The following CFAP221 variants were observed in gnomAD, a reference collection of about 807,000 sequenced individuals.
The protein encoded by CFAP221 is cilia and flagella associated protein 221.
Under a neutral mutation model 113.1 loss-of-function variants are expected in CFAP221, and 97 were observed. That is an observed-to-expected ratio of 0.86 (90% CI 0.73 to 1.02). The LOEUF is 1.02. Among genes scored for constraint, CFAP221 ranks in the 50% least tolerant of loss-of-function variants. The probability of loss-of-function intolerance (pLI) is 0.00; values close to 1 mark genes in which losing one functional copy is unlikely to be tolerated. For synonymous variants in CFAP221, 331 were observed against 354.4 expected, an observed-to-expected ratio of 0.93 and a Z score of 0.74; for missense variants, 1,025 against 1,013.4, an observed-to-expected ratio of 1.01 and a Z score of -0.16.
chr2:119,586,180 C>T (rs1443335723), intron 6 of CFAP221, among the ~76,000 whole-genome samples: 1 of 151,954 alleles, frequency 6.6e-6, no homozygotes, highest in African/African-American at 2.4e-5. Flanking sequence ...GGTGGCTTAA[C>T]GAGAAGGGAG....
intron 14 of CFAP221, among the ~76,000 whole-genome samples, chr2:119,618,881 G>A (rs1685699696): frequency 6.6e-6 from 1 of 152,168 alleles, no homozygotes. Context: ...GTCCACCTGG[G>A]ACACTTGAGC....
At chr2:119,575,950 T>C (rs1277851983) in intron 6 of CFAP221, among the ~76,000 whole-genome samples, 1 of 152,126 alleles carries the variant, frequency 6.6e-6, no homozygotes, top group African/African-American at 2.4e-5. Context: ...GTTTGTTCCC[T>C]AGTGTCTTCA....
chr2:119,648,079 A>G (rs962453259), intron 22 of CFAP221, among the ~76,000 whole-genome samples: 4 of 152,212 alleles, frequency 2.6e-5, no homozygotes, highest in Non-Finnish European at 5.9e-5. Flanking sequence ...ATGGGTGGCT[A>G]TGAAAAGCAA....
intron 7 of CFAP221, chr2:119,589,697 C>A (rs1300283972): frequency 2.6e-5 from 4 of 152,168 alleles, no homozygotes; most frequent in Admixed American, 1.3e-4. Context: ...ATTAATAATT[C>A]TATTTATAAG....
In CFAP221 at chr2:119,633,628, TA is replaced by T. The variant is rs967372211; in HGVS notation, c.1974+2738del. Reference sequence around the variant, plus strand: ...ATAAGAAACTTCTACAAATCAATAGTAAAAAAAAAAACCTAATAACTCAGTT... The same window carrying T: ...ATAAGAAACTTCTACAAATCAATAGTAAAAAAAAAACCTAATAACTCAGTT... On this transcript the variant is annotated intron_variant, in intron 19 of 23. Coordinates refer to ENST00000413369, the MANE Select transcript of CFAP221 (RefSeq NM_001271049.2). Among the ~76,000 whole-genome samples, 66 of 139,796 alleles carry T rather than the reference TA, an allele frequency of 4.7e-4. 1 individual carries two copies. The highest frequency in any genetic ancestry group is 6.2e-4 in the East Asian group (3 of 4,834). The allele number at this position is 139,796 out of a possible 152,430, so 91.7% of individuals were successfully genotyped here.
At chr2:119,596,718 T>C (rs1338939845) in intron 7 of CFAP221, among the ~76,000 whole-genome samples, 1 of 152,270 alleles carries the variant, frequency 6.6e-6, no homozygotes, top group Admixed American at 6.5e-5. Flanking sequence ...AGCGTCTCAG[T>C]ATGCACACCA....
intron 15 of CFAP221, 56 bp from the exon 16 acceptor site, chr2:119,627,597 T>C: frequency 6.5e-7 from 1 of 1,547,434 alleles, no homozygotes; most frequent in African/African-American, 1.4e-5. Flanking sequence ...TATATGGTGA[T>C]TTCCCATAAA....
At chr2:119,631,299 A>G (rs940142976) in intron 19 of CFAP221, among the ~76,000 whole-genome samples, 16 of 152,356 alleles carry the variant, frequency 1.1e-4, no homozygotes, top group African/African-American at 3.6e-4. Flanking sequence ...GTCCTAAGCT[A>G]CCCCTTTAAA....
intron 21 of CFAP221, among the ~76,000 whole-genome samples, chr2:119,643,366 G>C (rs1385849299): frequency 6.6e-6 from 1 of 152,182 alleles, no homozygotes; most frequent in African/African-American, 2.4e-5. Flanking sequence ...TAAATTCAGA[G>C]ATAACTTGTT....
At chr2:119,659,239 A>C (rs942782777), downstream of CFAP221, among the ~76,000 whole-genome samples, 3 of 152,294 alleles carry the variant, frequency 2.0e-5, no homozygotes, top group Admixed American at 2.0e-4. Flanking sequence ...ACTACATTAC[A>C]GTATTGGTGT....
At chr2:119,639,278 C>T (rs1400227179) in intron 20 of CFAP221, among the ~76,000 whole-genome samples, 1 of 152,212 alleles carries the variant, frequency 6.6e-6, no homozygotes, top group Non-Finnish European at 1.5e-5. Context: ...AGCTCATTAG[C>T]TTGGCCCACA....
At chr2:119,658,682 C>T (rs1688528558), downstream of CFAP221, among the ~76,000 whole-genome samples, 1 of 151,716 alleles carries the variant, frequency 6.6e-6, no homozygotes, top group Admixed American at 6.6e-5. Flanking sequence ...GTATATATAT[C>T]AAAAAACATG....
chr2:119,627,003 C>T (rs936974226), intron 15 of CFAP221, among the ~76,000 whole-genome samples: 1 of 151,912 alleles, frequency 6.6e-6, no homozygotes, highest in African/African-American at 2.4e-5. Context: ...GGCCCACTCT[C>T]GGTAGCTTCT....
chr2:119,573,898 A>G (rs1242745488), intron 6 of CFAP221, among the ~76,000 whole-genome samples: 1 of 152,250 alleles, frequency 6.6e-6, no homozygotes, highest in Non-Finnish European at 1.5e-5. Context: ...CTGTAATGCA[A>G]TAATAAAAGG....
At chr2:119,568,858 C>T (rs1681834847) in intron 6 of CFAP221, among the ~76,000 whole-genome samples, 1 of 152,112 alleles carries the variant, frequency 6.6e-6, no homozygotes, top group Non-Finnish European at 1.5e-5. Context: ...CTCTAAAGAA[C>T]TTCTTTTAAC....
At chr2:119,582,457 C>CTTT (rs200310556) in intron 6 of CFAP221, among the ~76,000 whole-genome samples, 1 of 136,874 alleles carries the variant, frequency 7.3e-6, no homozygotes. Context: ...TAAGACATAT[C>CTTT]TTTTTTTTTT....
At chr2:119,645,536 C>T (rs1687751738) in intron 21 of CFAP221, among the ~76,000 whole-genome samples, 1 of 151,398 alleles carries the variant, frequency 6.6e-6, no homozygotes, top group Non-Finnish European at 1.5e-5. Context: ...TATATCAGCT[C>T]ACAGATGCTT....
At chr2:119,638,122 T>A in intron 19 of CFAP221, 137 bp from the exon 20 acceptor site, 1 of 826,050 alleles carries the variant, frequency 1.2e-6, no homozygotes, top group Non-Finnish European at 1.8e-6. Flanking sequence ...CCTGCTTCTC[T>A]TTTCCAGACA....
chr2:119,562,038 A>T lies in CFAP221; in HGVS notation c.451A>T (p.Ile151Phe). Residue 151 changes from isoleucine to phenylalanine, a missense_variant, in exon 6 of 24, where the codon ATT becomes TTT. Transcript: ENST00000413369. ...GGGAGATGACACTTTGCTTGTTCCT[A>T]TTCATGCCTATCCAGTCATGAACTC... is the stretch of plus-strand genomic sequence containing the variant. Reference protein sequence around the residue: ...CKGDDTLLVPIHAYPVMNSLD... With the variant: ...CKGDDTLLVPFHAYPVMNSLD... 1 of 1,534,920 alleles carries T rather than the reference A, an allele frequency of 6.5e-7. No individual in the cohort carries two copies. The highest frequency in any genetic ancestry group is 8.7e-7 in the Non-Finnish European group (1 of 1,146,300).
Sources: allele counts gnomAD v4.1 joint callset (sites outside exome capture counted in the v4.1 genomes callset), GRCh38; gene constraint gnomAD v4.1.1; transcripts MANE v1.5; gene names NCBI Gene and HGNC (gene_info 2026-07-23, HGNC 2026-07-21).